CELF1: variants seen among roughly 807,000 people sequenced by gnomAD.
CELF1 encodes the protein 50 kDa nuclear polyadenylated RNA-binding protein.
A neutral mutation model predicts 61.8 loss-of-function variants in CELF1; 10 were observed. The observed-to-expected ratio is 0.16, with a 90% CI of 0.10 to 0.27. The LOEUF is 0.27. Ranked by LOEUF, CELF1 falls within the 10% of genes least tolerant of loss-of-function variation. The probability of loss-of-function intolerance (pLI) is 1.00; values close to 1 mark genes in which losing one functional copy is unlikely to be tolerated. For synonymous variants in CELF1, 236 were observed against 225.1 expected, an observed-to-expected ratio of 1.05 and a Z score of -0.43; for missense variants, 380 against 639.1, an observed-to-expected ratio of 0.59 and a Z score of 4.37.
intron 1 of CELF1, among the ~76,000 whole-genome samples, chr11:47,545,927 T>C (rs1195168776): frequency 7.1e-6 from 1 of 140,884 alleles, no homozygotes; most frequent in African/African-American, 2.7e-5. Context: ...TTTTTTTTTT[T>C]TGAGATGGAG....
intron 14 of CELF1, 102 bp from the exon 15 acceptor site, chr11:47,472,459 AT>A: frequency 7.7e-7 from 1 of 1,304,498 alleles, no homozygotes; most frequent in Non-Finnish European, 1.1e-6. Context: ...TCAAATCCCA[AT>A]TTTATTCAGC....
chr11:47,550,925 G>A (rs1411582808), intron 1 of CELF1, among the ~76,000 whole-genome samples: 2 of 151,992 alleles, frequency 1.3e-5, no homozygotes, highest in African/African-American at 4.8e-5. Context: ...TGTGTAACCA[G>A]TAAATGACAG....
At chr11:47,483,430 C>A in intron 8 of CELF1, 23 bp downstream of exon 8, 1 of 1,600,274 alleles carries the variant, frequency 6.2e-7, no homozygotes, top group South Asian at 1.1e-5. Flanking sequence ...AGGAATTTTC[C>A]CCATCACCTA....
At chr11:47,509,033 T>C (rs2094816685) in intron 1 of CELF1, among the ~76,000 whole-genome samples, 1 of 152,208 alleles carries the variant, frequency 6.6e-6, no homozygotes, top group East Asian at 1.9e-4. Context: ...CCTCCCAATG[T>C]GCTGGGATTA....
intron 1 of CELF1, among the ~76,000 whole-genome samples, chr11:47,535,763 T>C (rs1452499141): frequency 1.3e-5 from 2 of 151,688 alleles, no homozygotes; most frequent in African/African-American, 4.8e-5. Flanking sequence ...CAAGTTTTTT[T>C]GTTTTTGTTT....
At chr11:47,559,346 T>C (rs1469816425) in intron 2 of CELF1, among the ~76,000 whole-genome samples, 3 of 150,566 alleles carry the variant, frequency 2.0e-5, no homozygotes, top group African/African-American at 7.3e-5. Context: ...ATTATAGGCA[T>C]GAGCCACTTC....
At position 47,489,028 on chromosome 11, in the gene CELF1, T is replaced by C. The variant is rs373949639; in HGVS notation, c.72-4A>G. On this transcript the variant is annotated splice_polypyrimidine_tract_variant and splice_region_variant and intron_variant, in intron 3 of 14. Coordinates refer to ENST00000687097, the MANE Select transcript of CELF1 (RefSeq NM_001376376.1). ...GGTGCCGTTCATTTTCTTTGAGCTG[T>C]GTGAGATAAAATGAAACTTCTATTA... 3.8e-6 allele frequency: 6 copies of C among 1,564,346 alleles called. No individual in the cohort carries two copies. The African/African-American group carries it at 8.3e-5, about 22-fold the overall frequency.
In CELF1 at chr11:47,502,021, G is replaced by A. The variant is rs190807985; in HGVS notation, c.-153-1089C>T. Among the ~76,000 whole-genome samples, 1,423 of 152,292 alleles carry A rather than the reference G, an allele frequency of 9.3e-3. 8 individuals carry two copies. The highest frequency in any genetic ancestry group is 0.015 in the Non-Finnish European group (994 of 68,024). ...AGTTGCCAGGCACTGTCCAATGTAT[G>A]AAAAGATGTGCTCTCCTTAAAATAG... On this transcript the variant is annotated intron_variant, in intron 1 of 14. Coordinates refer to ENST00000687097, the MANE Select transcript of CELF1 (RefSeq NM_001376376.1).
chr11:47,562,624 GAC>G (rs1185204178), intron 2 of CELF1, among the ~76,000 whole-genome samples: 2 of 150,038 alleles, frequency 1.3e-5, no homozygotes, highest in African/African-American at 2.5e-5. Context: ...CAGTGGTTCA[GAC>G]CTGTAATCCC....
intron 1 of CELF1, among the ~76,000 whole-genome samples, chr11:47,509,799 G>T (rs1331396884): frequency 6.6e-6 from 1 of 151,984 alleles, no homozygotes; most frequent in African/African-American, 2.4e-5. Context: ...GGCTGAGGTG[G>T]GCGGGTCACT....
At chr11:47,519,629 T>C (rs1476645140) in intron 1 of CELF1, among the ~76,000 whole-genome samples, 1 of 152,096 alleles carries the variant, frequency 6.6e-6, no homozygotes, top group Non-Finnish European at 1.5e-5. Context: ...ACTTGCACTT[T>C]GGGAGGCCAA....
At chr11:47,535,249 A>G (rs905318289) in intron 1 of CELF1, among the ~76,000 whole-genome samples, 1 of 152,198 alleles carries the variant, frequency 6.6e-6, no homozygotes, top group African/African-American at 2.4e-5. Context: ...AATTCCATTT[A>G]AATGTGTTGA....
intron 3 of CELF1, among the ~76,000 whole-genome samples, chr11:47,495,774 A>G (rs1175834559): frequency 1.3e-5 from 2 of 152,206 alleles, no homozygotes; most frequent in Non-Finnish European, 2.9e-5. Flanking sequence ...AAGCCCTTTC[A>G]TATATGCTAG....
At chr11:47,517,776 C>T (rs2095639423) in intron 1 of CELF1, among the ~76,000 whole-genome samples, 1 of 152,044 alleles carries the variant, frequency 6.6e-6, no homozygotes, top group South Asian at 2.1e-4. Context: ...CCTCAGCCTC[C>T]CGAGCAGCTG....
chr11:47,538,478 C>T (rs1318139807), intron 1 of CELF1, among the ~76,000 whole-genome samples: 1 of 151,960 alleles, frequency 6.6e-6, no homozygotes, highest in African/African-American at 2.4e-5. Flanking sequence ...CCCGTCTCTA[C>T]TAAAAATACA....
At chr11:47,560,778 G>T (rs2097222486) in intron 2 of CELF1, among the ~76,000 whole-genome samples, 1 of 152,174 alleles carries the variant, frequency 6.6e-6, no homozygotes, top group Non-Finnish European at 1.5e-5. Context: ...TTGGAGGGGG[G>T]TGGGCATAAT....
intron 1 of CELF1, among the ~76,000 whole-genome samples, chr11:47,526,707 A>C (rs2096255840): frequency 6.6e-6 from 1 of 152,224 alleles, no homozygotes; most frequent in Admixed American, 6.5e-5. Flanking sequence ...TGGTGGAACT[A>C]GAAATGTTTA....
upstream of CELF1, chr11:47,557,666 A>C: frequency 6.8e-6 from 1 of 146,652 alleles, no homozygotes; most frequent in Non-Finnish European, 1.5e-5. Flanking sequence ...CTCCTTAGGC[A>C]ACCTGGTGGT....
At chr11:47,532,534 T>C (rs766093620) in intron 1 of CELF1, among the ~76,000 whole-genome samples, 2 of 152,208 alleles carry the variant, frequency 1.3e-5, no homozygotes, top group Non-Finnish European at 2.9e-5. Context: ...TGCATAACTT[T>C]TGTAAAGGTC....
Sources: allele counts gnomAD v4.1 joint callset (sites outside exome capture counted in the v4.1 genomes callset), GRCh38; gene constraint gnomAD v4.1.1; transcripts MANE v1.5; gene names NCBI Gene and HGNC (gene_info 2026-07-23, HGNC 2026-07-21).